Variants in NCAM2 observed in about 807,000 individuals in gnomAD.
NCAM2 encodes the protein N-CAM-2.
Under a neutral mutation model 98.1 loss-of-function variants are expected in NCAM2, and 30 were observed. That is an observed-to-expected ratio of 0.31 (90% confidence interval 0.23 to 0.41). The LOEUF is 0.41. Among genes scored for constraint, NCAM2 ranks in the 10% least tolerant of loss-of-function variants. The probability of loss-of-function intolerance (pLI) is 1.00; values close to 1 mark genes in which losing one functional copy is unlikely to be tolerated. For missense variants in NCAM2, 867 were observed against 1,005.8 expected (o/e 0.86, Z 1.87); for synonymous variants, 368 against 342.4 (o/e 1.07, Z -0.83).
chr21:21,534,768 C>A, intron 17 of NCAM2, 112 bp downstream of exon 17: 1 of 1,084,474 alleles, frequency 9.2e-7, no homozygotes, highest in Non-Finnish European at 1.2e-6. Context: ...AAGAATTGTG[C>A]TTTTACTTTT....
chr21:21,153,708 G>A (rs891159828), intron 1 of NCAM2, among the ~76,000 whole-genome samples: 1 of 151,862 alleles, frequency 6.6e-6, no homozygotes, highest in Non-Finnish European at 1.5e-5. Context: ...ATAAGTGAAT[G>A]TTTGAATATA....
At chr21:21,251,699 C>T (rs1011036156) in intron 1 of NCAM2, among the ~76,000 whole-genome samples, 1 of 150,712 alleles carries the variant, frequency 6.6e-6, no homozygotes, top group African/African-American at 2.4e-5. Flanking sequence ...GGAATCACCA[C>T]GCTGTCTTCT....
chr21:21,465,356 A>C (rs928129616), intron 12 of NCAM2, among the ~76,000 whole-genome samples: 7 of 151,884 alleles, frequency 4.6e-5, no homozygotes, highest in Non-Finnish European at 1.0e-4. Context: ...TGAGGTGGGC[A>C]GTTTGCTTGA....
chr21:21,034,060 G>A (rs1201476361), intron 1 of NCAM2, among the ~76,000 whole-genome samples: 2 of 149,668 alleles, frequency 1.3e-5, no homozygotes, highest in South Asian at 2.2e-4. Context: ...AAAGGGGGGG[G>A]GGAAACAAAG....
intron 4 of NCAM2, chr21:21,290,212 T>C (rs1177644762): frequency 1.3e-5 from 2 of 151,930 alleles, no homozygotes; most frequent in African/African-American, 2.4e-5. Flanking sequence ...ATATAATCAG[T>C]AAAAATCATT....
At chr21:21,144,925 C>T (rs1428141135) in intron 1 of NCAM2, among the ~76,000 whole-genome samples, 6 of 151,938 alleles carry the variant, frequency 3.9e-5, no homozygotes, top group Non-Finnish European at 8.8e-5. Context: ...TGTCAGGGGT[C>T]GCCGTGTTGT....
Position 21,265,010 on chromosome 21 carries a change from ATATAT to A in NCAM2, c.56-15562_56-15558del, listed in dbSNP as rs201796838. Among the ~76,000 whole-genome samples, 14 of 37,684 alleles carry A rather than the reference ATATAT, an allele frequency of 3.7e-4. 1 individual carries two copies. The highest frequency in any genetic ancestry group is 1.1e-3 in the East Asian group (1 of 914). The allele number at this position is 37,684 out of a possible 152,430, so 24.7% of individuals were successfully genotyped here. A position where few individuals can be genotyped will look rare whatever the true frequency, so the allele number is the denominator to read the frequency against. ...TATGTGTATGTGTATATATACACAT[ATATAT>A]TATATATGTGTCTGTGTATATATGT... On this transcript the variant is annotated intron_variant, in intron 1 of 17. Transcript: ENST00000400546.
At chr21:21,089,986 T>C (rs2065979851) in intron 1 of NCAM2, among the ~76,000 whole-genome samples, 1 of 151,686 alleles carries the variant, frequency 6.6e-6, no homozygotes, top group African/African-American at 2.4e-5. Flanking sequence ...CAACAACAAA[T>C]AGGTAGGGAT....
intron 16 of NCAM2, among the ~76,000 whole-genome samples, chr21:21,514,398 C>T (rs558752614): frequency 6.8e-6 from 1 of 146,930 alleles, no homozygotes; most frequent in East Asian, 2.0e-4. Flanking sequence ...ATCACTTGAA[C>T]CTCGGAAGTG....
chr21:21,363,617 C>T (rs11702192), intron 8 of NCAM2, among the ~76,000 whole-genome samples: 2,677 of 152,108 alleles, frequency 0.018, 76 homozygotes, highest in East Asian at 0.14. Flanking sequence ...TATTAATCAT[C>T]TGGTGATTGA....
At chr21:21,100,914 A>G (rs958534784) in intron 1 of NCAM2, among the ~76,000 whole-genome samples, 1 of 152,030 alleles carries the variant, frequency 6.6e-6, no homozygotes, top group Non-Finnish European at 1.5e-5. Context: ...CCTAGTATCC[A>G]GTTTCTAGAG....
chr21:21,129,595 G>A (rs988607078), intron 1 of NCAM2, among the ~76,000 whole-genome samples: 1 of 152,108 alleles, frequency 6.6e-6, no homozygotes, highest in Non-Finnish European at 1.5e-5. Flanking sequence ...TAGATTCAGC[G>A]TCTGGTGAGG....
chr21:21,374,641 A>G (rs1055025407), intron 9 of NCAM2, among the ~76,000 whole-genome samples: 14 of 152,002 alleles, frequency 9.2e-5, no homozygotes, highest in African/African-American at 3.1e-4. Context: ...CATGGAATTT[A>G]AAAATAATTT....
At chr21:21,272,508 G>GCACA (rs57818703) in intron 1 of NCAM2, among the ~76,000 whole-genome samples, 123 of 149,598 alleles carry the variant, frequency 8.2e-4, no homozygotes, top group Middle Eastern at 3.6e-3. Flanking sequence ...GCGCGCGCGC[G>GCACA]CACACACACA....
At chr21:21,337,135 TAGTATTGTGTG>T in intron 7 of NCAM2, among the ~76,000 whole-genome samples, 1 of 152,264 alleles carries the variant, frequency 6.6e-6, no homozygotes, top group Non-Finnish European at 1.5e-5. Flanking sequence ...ATATTAGAAA[TAGTATTGTGTG>T]AGATTATTCC....
chr21:21,242,882 G>A (rs1453380614), intron 1 of NCAM2, among the ~76,000 whole-genome samples: 1 of 152,042 alleles, frequency 6.6e-6, no homozygotes, highest in African/African-American at 2.4e-5. Context: ...TGCTATGAAG[G>A]GAAAGAGGTA....
chr21:21,524,636 C>A (rs75464364), intron 16 of NCAM2, among the ~76,000 whole-genome samples: 1 of 151,882 alleles, frequency 6.6e-6, no homozygotes, highest in Admixed American at 6.6e-5. Flanking sequence ...TCAGTAAGGA[C>A]GTTGCTTAAC....
At chr21:21,427,898 A>G (rs1298462001) in intron 11 of NCAM2, among the ~76,000 whole-genome samples, 1 of 152,256 alleles carries the variant, frequency 6.6e-6, no homozygotes. Flanking sequence ...ACATTTGCTA[A>G]GAGTTTTAAC....
intron 11 of NCAM2, 112 bp from the exon 12 acceptor site, chr21:21,431,992 TTAAG>T: frequency 1.2e-6 from 1 of 809,288 alleles, no homozygotes; most frequent in East Asian, 2.7e-5. Flanking sequence ...CTCGAACATA[TTAAG>T]TGATACAGGT....
Sources: allele counts gnomAD v4.1 joint callset (sites outside exome capture counted in the v4.1 genomes callset), GRCh38; gene constraint gnomAD v4.1.1; transcripts MANE v1.5; gene names NCBI Gene and HGNC (gene_info 2026-07-23, HGNC 2026-07-21).